SLC30A6: variants seen among roughly 807,000 people sequenced by gnomAD.
SLC30A6 encodes solute carrier family 30 member 6, also known as zinc transporter 6.
Under a neutral mutation model 63.0 loss-of-function variants are expected in SLC30A6, and 55 were observed. The ratio of observed to expected loss-of-function variants is 0.87; its 90% CI spans 0.70 to 1.09. SLC30A6 has a LOEUF of 1.09. Among genes scored for constraint, SLC30A6 ranks in the 50% least tolerant of loss-of-function variants. SLC30A6 has a pLI of 0.00. For synonymous variants in SLC30A6, 224 were observed against 186.1 expected (o/e 1.20, Z -1.66); for missense variants, 587 against 549.2 (o/e 1.07, Z -0.69).
chr2:32,208,581 A>C (rs1573400985), intron 12 of SLC30A6, among the ~76,000 whole-genome samples: 2 of 152,142 alleles, frequency 1.3e-5, no homozygotes, highest in East Asian at 3.9e-4. Flanking sequence ...TGCCCGGTCA[A>C]ATGCTGTGAT....
intron 2 of SLC30A6, 130 bp from the exon 3 acceptor site, chr2:32,173,933 T>G (rs1176401284): frequency 5.2e-6 from 3 of 582,130 alleles, no homozygotes; most frequent in Non-Finnish European, 8.6e-6. Context: ...ATGTAGAAAG[T>G]GTGACACAGA....
chr2:32,174,225 A>G, intron 3 of SLC30A6, 78 bp downstream of exon 3: 1 of 1,026,016 alleles, frequency 9.7e-7, no homozygotes, highest in Non-Finnish European at 1.5e-6. Context: ...TATATCTTAC[A>G]TAGAATATAT....
Position 32,202,785 on chromosome 2 carries a change from CGCCCACA to C in SLC30A6, c.666-1803_666-1797del, listed in dbSNP as rs1241495678. 1.2e-5 allele frequency: 9 copies of C among 726,348 alleles called. No homozygotes were observed. In the Admixed American group the frequency reaches 1.9e-4, roughly 15 times the overall value. 45.0% of individuals were successfully genotyped at this position (726,348 alleles called of 1,614,324 possible). ...TCAGACTTTACTTTTTTCTGCAGCTCGCCCACAGTGGGTATGCAAAGTTGCAAAAAAA... is the reference window on the plus strand; with the variant it reads ...TCAGACTTTACTTTTTTCTGCAGCTCGTGGGTATGCAAAGTTGCAAAAAAA... On this transcript the variant is annotated intron_variant, in intron 10 of 13. Coordinates refer to ENST00000282587, the MANE Select transcript of SLC30A6 (RefSeq NM_017964.5).
intron 10 of SLC30A6, among the ~76,000 whole-genome samples, chr2:32,198,409 A>G (rs2148867808): frequency 6.6e-6 from 1 of 152,274 alleles, no homozygotes; most frequent in African/African-American, 2.4e-5. Flanking sequence ...TGAATTCCAA[A>G]AGGCGTATCT....
intron 5 of SLC30A6, among the ~76,000 whole-genome samples, chr2:32,187,474 T>G (rs1356329320): frequency 6.6e-6 from 1 of 152,198 alleles, no homozygotes; most frequent in African/African-American, 2.4e-5. Flanking sequence ...AGCTCCCATT[T>G]TGGCTCACTT....
At chr2:32,170,439 T>C (rs2148795426) in intron 1 of SLC30A6, among the ~76,000 whole-genome samples, 1 of 152,300 alleles carries the variant, frequency 6.6e-6, no homozygotes, top group Admixed American at 6.5e-5. Context: ...GTTAATCCCC[T>C]CTAGTTGCCA....
At chr2:32,213,051 A>T (rs1407021996) in intron 13 of SLC30A6, among the ~76,000 whole-genome samples, 2 of 151,426 alleles carry the variant, frequency 1.3e-5, no homozygotes, top group Non-Finnish European at 2.9e-5. Flanking sequence ...GATTACAGGT[A>T]CACGCCACCA....
intron 8 of SLC30A6, among the ~76,000 whole-genome samples, chr2:32,197,026 C>T (rs1404178813): frequency 6.6e-6 from 1 of 152,198 alleles, no homozygotes. Flanking sequence ...CACCACTGCA[C>T]TCCAGCCTGG....
intron 10 of SLC30A6, 74 bp downstream of exon 10, chr2:32,197,900 A>G (rs927784581): frequency 4.5e-6 from 7 of 1,563,728 alleles, no homozygotes; most frequent in Non-Finnish European, 5.2e-6. Context: ...AGCAGGATGG[A>G]TAGTGGTCAA....
rs889339292 is a variant in SLC30A6, at chr2:32,175,194, G to A, written c.176-125G>A. The A allele has an allele frequency of 4.0e-6, 3 of 753,034 alleles. No homozygotes were observed. In the African/African-American group the frequency reaches 5.3e-5, roughly 13 times the overall value. The allele number at this position is 753,034 out of a possible 1,614,324, so 46.6% of individuals were successfully genotyped here. ...TTACTAGATAACTGCCAATATATGA[G>A]GTTGGCCCGTGACTCAAAAGTTTTT... is the stretch of plus-strand genomic sequence containing the variant. On this transcript the variant is annotated intron_variant, in intron 3 of 13. Transcript: ENST00000282587.
At chr2:32,204,215 T>C (rs1196620042) in intron 10 of SLC30A6, among the ~76,000 whole-genome samples, 4 of 151,970 alleles carry the variant, frequency 2.6e-5, no homozygotes, top group Non-Finnish European at 5.9e-5. Flanking sequence ...TTATTGTCTC[T>C]TTTTAAAAAA....
intron 13 of SLC30A6, among the ~76,000 whole-genome samples, chr2:32,215,056 T>C (rs1045858142): frequency 1.3e-5 from 2 of 152,250 alleles, no homozygotes; most frequent in Non-Finnish European, 1.5e-5. Context: ...TTTCAAGTCA[T>C]AGATTCAGAT....
chr2:32,220,157 A>AT, intron 13 of SLC30A6, 56 bp from the exon 14 acceptor site: 1 of 1,524,268 alleles, frequency 6.6e-7, no homozygotes, highest in African/African-American at 1.4e-5. Context: ...TATCTAATGA[A>AT]TTTTTTGTTA....
At position 32,220,623 on chromosome 2, in the gene SLC30A6, A is replaced by C; in HGVS notation, c.1296A>C (p.Gly432=). ...TTAATCAAGGACTTGGAGTTCCAGG[A>C]ATTGGAGCAACTCAAGGATTGAGGA... ...SMLNQGLGVP[G]IGATQGLRTG... The change falls in exon 14 of 14, where the codon GGA becomes GGC. Residue 432 remains glycine (G), a synonymous_variant. Coordinates refer to ENST00000282587, the MANE Select transcript of SLC30A6 (RefSeq NM_017964.5). 13 of 1,614,190 alleles carry C rather than the reference A, an allele frequency of 8.1e-6. No individual in the cohort carries two copies. Among genetic ancestry groups the C allele is most frequent in the Middle Eastern group, 1.6e-4 (1 of 6,062 alleles).
intron 1 of SLC30A6, among the ~76,000 whole-genome samples, chr2:32,168,054 C>T (rs1680838578): frequency 6.6e-6 from 1 of 152,146 alleles, no homozygotes. Context: ...TTTTATAAGA[C>T]ACTGAAAACT....
intron 10 of SLC30A6, chr2:32,202,839 C>G: frequency 1.2e-6 from 1 of 834,892 alleles, no homozygotes; most frequent in East Asian, 2.4e-5. Context: ...CAGATACGAA[C>G]AGATTGATGT....
At chr2:32,178,952 C>T (rs565075055) in intron 4 of SLC30A6, among the ~76,000 whole-genome samples, 105 of 152,280 alleles carry the variant, frequency 6.9e-4, no homozygotes, top group Admixed American at 6.5e-4. Context: ...CAGCCTTTAC[C>T]GCCTGAGCTC....
At position 32,166,667 on chromosome 2, in the gene SLC30A6, A is replaced by G. The variant is rs149841813; in HGVS notation, c.3+764A>G. Among the ~76,000 whole-genome samples, 4 of 152,318 alleles carry G rather than the reference A, an allele frequency of 2.6e-5. No individual in the cohort carries two copies. In the East Asian group the frequency reaches 7.7e-4, roughly 29 times the overall value. ...CCTTTTGAAAATGCATTTATTAGAA[A>G]AATTTATGGAGTACTTATTGATAGC... On this transcript the variant is annotated intron_variant, in intron 1 of 13. Transcript: ENST00000282587.
intron 10 of SLC30A6, among the ~76,000 whole-genome samples, chr2:32,200,156 C>G (rs1308747458): frequency 6.6e-6 from 1 of 152,024 alleles, no homozygotes; most frequent in African/African-American, 2.4e-5. Flanking sequence ...TTTGTCCCCT[C>G]TTTCCCATTC....
Sources: gnomAD v4.1 joint callset for allele counts (sites outside exome capture counted in the v4.1 genomes callset) on GRCh38, gnomAD v4.1.1 for gene constraint, MANE v1.5 for transcripts, NCBI Gene and HGNC (gene_info 2026-07-23, HGNC 2026-07-21) for gene names.